The following CACNA2D3 variants were observed in gnomAD, a reference collection of about 807,000 sequenced individuals.
CACNA2D3 encodes the protein calcium voltage-gated channel auxiliary subunit alpha2delta 3.
Under a neutral mutation model 160.6 loss-of-function variants are expected in CACNA2D3, and 60 were observed. That is an observed-to-expected ratio of 0.37 (90% confidence interval 0.30 to 0.46). The LOEUF is 0.46. Ranked by LOEUF, CACNA2D3 falls within the 20% of genes least tolerant of loss-of-function variation. CACNA2D3 has a pLI of 1.00. For missense variants in CACNA2D3, 1,205 were observed against 1,365.0 expected (o/e 0.88, Z 1.85); for synonymous variants, 558 against 492.9 (o/e 1.13, Z -1.75).
chr3:54,948,819 G>A (rs1345809497), intron 27 of CACNA2D3, among the ~76,000 whole-genome samples: 1 of 152,202 alleles, frequency 6.6e-6, no homozygotes, highest in African/African-American at 2.4e-5. Context: ...AGTTGCATCT[G>A]TCAGGAGCTG....
chr3:54,258,750 A>G (rs1702348017), intron 2 of CACNA2D3, among the ~76,000 whole-genome samples: 2 of 152,144 alleles, frequency 1.3e-5, no homozygotes, highest in African/African-American at 4.8e-5. Flanking sequence ...CTGCTTGGTC[A>G]TGTAAGTGTT....
chr3:54,163,134 G>A (rs1700380346), intron 2 of CACNA2D3, among the ~76,000 whole-genome samples: 2 of 152,298 alleles, frequency 1.3e-5, no homozygotes, highest in South Asian at 4.1e-4. Context: ...AGCATCAAGG[G>A]GTCAGATGAT....
intron 3 of CACNA2D3, among the ~76,000 whole-genome samples, chr3:54,324,990 T>C (rs1559450281): frequency 6.6e-6 from 1 of 152,144 alleles, no homozygotes; most frequent in Non-Finnish European, 1.5e-5. Context: ...TGTTGAGAAA[T>C]GTACCCTGAT....
At chr3:54,597,914 C>G (rs1016882675) in intron 9 of CACNA2D3, among the ~76,000 whole-genome samples, 24 of 152,002 alleles carry the variant, frequency 1.6e-4, no homozygotes, top group African/African-American at 5.1e-4. Flanking sequence ...TGAGTCTTAG[C>G]CATGGTGACC....
chr3:54,804,720 C>G (rs140787230), intron 13 of CACNA2D3, among the ~76,000 whole-genome samples: 2 of 152,182 alleles, frequency 1.3e-5, no homozygotes, highest in African/African-American at 4.8e-5. Flanking sequence ...ATCTACAGAA[C>G]TCTCCACCCC....
At chr3:54,967,461 G>A (rs1214214655) in intron 27 of CACNA2D3, among the ~76,000 whole-genome samples, 1 of 152,084 alleles carries the variant, frequency 6.6e-6, no homozygotes, top group African/African-American at 2.4e-5. Context: ...AGGTCTTTAA[G>A]CAAAAGAAAG....
At chr3:54,677,719 T>C (rs1244744831) in intron 11 of CACNA2D3, among the ~76,000 whole-genome samples, 1 of 152,180 alleles carries the variant, frequency 6.6e-6, no homozygotes, top group Non-Finnish European at 1.5e-5. Context: ...TTGCCCCAGT[T>C]GATTCATTAT....
At chr3:54,311,961 GA>G (rs1703752570) in intron 2 of CACNA2D3, among the ~76,000 whole-genome samples, 1 of 151,622 alleles carries the variant, frequency 6.6e-6, no homozygotes, top group African/African-American at 2.4e-5. Context: ...AAAAGCAAAA[GA>G]AAAAAAAGAA....
intron 11 of CACNA2D3, among the ~76,000 whole-genome samples, chr3:54,695,108 C>T (rs928869129): frequency 2.0e-4 from 30 of 152,276 alleles, no homozygotes; most frequent in Middle Eastern, 3.4e-3. Context: ...ACCTCTGCCT[C>T]CTGGATTCAA....
chr3:54,941,489 C>T (rs1701464329), intron 27 of CACNA2D3, among the ~76,000 whole-genome samples: 1 of 152,138 alleles, frequency 6.6e-6, no homozygotes, highest in South Asian at 2.1e-4. Context: ...TTTTCCCCCT[C>T]CATTCATTGT....
intron 12 of CACNA2D3, among the ~76,000 whole-genome samples, chr3:54,759,219 T>C (rs1702036269): frequency 6.6e-6 from 1 of 152,156 alleles, no homozygotes; most frequent in Non-Finnish European, 1.5e-5. Context: ...TGCTCCTTGG[T>C]AATTACCGAA....
At chr3:54,680,473 A>C (rs568432098) in intron 11 of CACNA2D3, among the ~76,000 whole-genome samples, 2 of 152,150 alleles carry the variant, frequency 1.3e-5, no homozygotes, top group African/African-American at 4.8e-5. Flanking sequence ...CATGGCCCCT[A>C]CCCCCAGCCT....
At chr3:54,802,303 G>C (rs138996112) in intron 13 of CACNA2D3, among the ~76,000 whole-genome samples, 90 of 152,204 alleles carry the variant, frequency 5.9e-4, no homozygotes, top group African/African-American at 2.0e-3. Context: ...GGTAGGGAGG[G>C]GAGAAGATTC....
chr3:54,363,854 A>G (rs1412365434), intron 3 of CACNA2D3, among the ~76,000 whole-genome samples: 1 of 152,122 alleles, frequency 6.6e-6, no homozygotes, highest in East Asian at 1.9e-4. Context: ...AGCCCTACCC[A>G]CTGGCTTCCT....
chr3:54,209,238 G>A (rs1008562090), intron 2 of CACNA2D3, among the ~76,000 whole-genome samples: 9 of 152,206 alleles, frequency 5.9e-5, no homozygotes, highest in East Asian at 3.9e-4. Flanking sequence ...GATAGGCATC[G>A]AAATAATTGG....
intron 4 of CACNA2D3, among the ~76,000 whole-genome samples, chr3:54,471,156 G>A (rs1364416971): frequency 6.6e-6 from 1 of 152,126 alleles, no homozygotes; most frequent in Non-Finnish European, 1.5e-5. Flanking sequence ...CTATGTAATT[G>A]GAAGTAAAAC....
chr3:54,177,392 C>G (rs1700697861), intron 2 of CACNA2D3, among the ~76,000 whole-genome samples: 1 of 152,142 alleles, frequency 6.6e-6, no homozygotes, highest in Non-Finnish European at 1.5e-5. Context: ...CAGTTTCACT[C>G]CTAGTAACAG....
intron 3 of CACNA2D3, among the ~76,000 whole-genome samples, chr3:54,381,381 C>CG: frequency 6.6e-6 from 1 of 152,178 alleles, no homozygotes; most frequent in East Asian, 1.9e-4. Flanking sequence ...AATTAAGTTA[C>CG]GTTGGTAGTG....
intron 2 of CACNA2D3, among the ~76,000 whole-genome samples, chr3:54,162,950 C>T (rs1440685932): frequency 6.6e-6 from 1 of 152,150 alleles, no homozygotes; most frequent in East Asian, 1.9e-4. Context: ...GAGGTGCTGC[C>T]TCAGATAGGG....
Sources: allele counts gnomAD v4.1 joint callset (sites outside exome capture counted in the v4.1 genomes callset), GRCh38; gene constraint gnomAD v4.1.1; transcripts MANE v1.5; gene names NCBI Gene and HGNC (gene_info 2026-07-23, HGNC 2026-07-21).